Variants in ITSN1 observed in about 807,000 individuals in gnomAD.
ITSN1 encodes the protein intersectin-1.
ITSN1 carries 58 observed loss-of-function variants against 239.8 expected under a neutral mutation model. That is an observed-to-expected ratio of 0.24 (90% CI 0.20 to 0.30). The LOEUF is 0.30. Ranked by LOEUF, ITSN1 falls within the 10% of genes least tolerant of loss-of-function variation. ITSN1 has a pLI of 1.00. For synonymous variants in ITSN1, 780 were observed against 770.8 expected (o/e 1.01, Z -0.20); for missense variants, 1,558 against 2,103.3 (o/e 0.74, Z 5.07).
intron 32 of ITSN1, among the ~76,000 whole-genome samples, chr21:33,866,739 G>C (rs1981661444): frequency 6.6e-6 from 1 of 152,174 alleles, no homozygotes; most frequent in South Asian, 2.1e-4. Context: ...CGTTGTCTGA[G>C]CTCCTCTTTC....
intron 30 of ITSN1, among the ~76,000 whole-genome samples, chr21:33,857,715 AG>A (rs1453384371): frequency 6.6e-6 from 1 of 152,228 alleles, no homozygotes; most frequent in Non-Finnish European, 1.5e-5. Flanking sequence ...AAACTCAAAA[AG>A]GTGCCCCTTT....
At chr21:33,887,728 C>T (rs1986012969) in intron 39 of ITSN1, among the ~76,000 whole-genome samples, 1 of 152,146 alleles carries the variant, frequency 6.6e-6, no homozygotes, top group Non-Finnish European at 1.5e-5. Flanking sequence ...GCCTCAGCCT[C>T]CTAAGTAGCA....
chr21:33,850,372 G>A (rs898319126), intron 29 of ITSN1, among the ~76,000 whole-genome samples: 2 of 152,226 alleles, frequency 1.3e-5, no homozygotes, highest in Non-Finnish European at 2.9e-5. Flanking sequence ...GGTCTCTGGT[G>A]CCTTTGGGGG....
chr21:33,847,666 C>T (rs1237448821), intron 29 of ITSN1, among the ~76,000 whole-genome samples: 1 of 152,152 alleles, frequency 6.6e-6, no homozygotes, highest in Non-Finnish European at 1.5e-5. Context: ...CAGATGGTCT[C>T]TGGGCTCAGA....
At chr21:33,878,340 TCTC>T (rs1484924013) in intron 34 of ITSN1, among the ~76,000 whole-genome samples, 4 of 152,020 alleles carry the variant, frequency 2.6e-5, no homozygotes, top group African/African-American at 9.7e-5. Flanking sequence ...GCCAGAAGCC[TCTC>T]ATTTGGTTTC....
At chr21:33,841,972 G>C (rs968076460) in intron 29 of ITSN1, among the ~76,000 whole-genome samples, 1 of 148,930 alleles carries the variant, frequency 6.7e-6, no homozygotes, top group African/African-American at 2.5e-5. Flanking sequence ...GTTCACCCAG[G>C]TTGGAGTACA....
chr21:33,829,718 A>G lies in ITSN1; in HGVS notation c.3324A>G (p.Pro1108=), dbSNP rs746823500. The G allele has an allele frequency of 4.3e-6, 7 of 1,613,570 alleles. No homozygotes were observed. In the South Asian group the frequency reaches 7.7e-5, roughly 18 times the overall value. The change falls in exon 27 of 40, where the codon CCA becomes CCG. Residue 1108 remains proline (P), a synonymous_variant. Transcript: ENST00000381318. ...GQLILIRKKN[P]GGWWEGELQA... Reference sequence around the variant, plus strand: ...TGATTTTGATCCGAAAAAAGAACCCAGGTGGATGGTGGGAAGGAGAGCTGC... The same window carrying G: ...TGATTTTGATCCGAAAAAAGAACCCGGGTGGATGGTGGGAAGGAGAGCTGC...
chr21:33,876,347 CCTTCT>C (rs1329560478), intron 34 of ITSN1, among the ~76,000 whole-genome samples: 1 of 150,116 alleles, frequency 6.7e-6, no homozygotes, highest in African/African-American at 2.5e-5. Context: ...CTTCCTTTCT[CCTTCT>C]CTTCTCTTCT....
At chr21:33,850,378 G>C (rs1345751760) in intron 29 of ITSN1, among the ~76,000 whole-genome samples, 3 of 152,196 alleles carry the variant, frequency 2.0e-5, no homozygotes, top group Non-Finnish European at 2.9e-5. Flanking sequence ...TGGTGCCTTT[G>C]GGGGCATTCC....
chr21:33,770,783 T>TG (rs1333725560), intron 11 of ITSN1, among the ~76,000 whole-genome samples: 1 of 150,930 alleles, frequency 6.6e-6, no homozygotes, highest in African/African-American at 2.4e-5. Flanking sequence ...TTTTTTTTTT[T>TG]GAGACAGAGT....
At chr21:33,676,664 G>A (rs1370227125) in intron 1 of ITSN1, among the ~76,000 whole-genome samples, 1 of 152,202 alleles carries the variant, frequency 6.6e-6, no homozygotes, top group Non-Finnish European at 1.5e-5. Flanking sequence ...TATTTTGGTT[G>A]CACTGTGCAA....
intron 1 of ITSN1, among the ~76,000 whole-genome samples, chr21:33,657,351 A>C (rs1001064035): frequency 1.3e-5 from 2 of 152,036 alleles, no homozygotes; most frequent in African/African-American, 4.8e-5. Context: ...TTCTTTCCAT[A>C]AGCAGCTGTG....
intron 1 of ITSN1, among the ~76,000 whole-genome samples, chr21:33,706,215 C>T (rs543947109): frequency 2.0e-5 from 3 of 152,098 alleles, no homozygotes; most frequent in East Asian, 3.9e-4. Flanking sequence ...GATGGGGTTT[C>T]GCCATGTTGG....
chr21:33,839,487 A>G (rs1249813884), intron 29 of ITSN1, among the ~76,000 whole-genome samples: 1 of 152,140 alleles, frequency 6.6e-6, no homozygotes, highest in Admixed American at 6.5e-5. Flanking sequence ...CAGGACAAGC[A>G]AAGGCCCAGG....
chr21:33,891,488 C>T lies in ITSN1; in HGVS notation c.*3188C>T, dbSNP rs1377797629. 6.6e-6 allele frequency: 1 copy of T among 152,028 alleles called. No individual in the cohort carries two copies. The highest frequency in any genetic ancestry group is 1.9e-4 in the East Asian group (1 of 5,190). 9.4% of individuals were successfully genotyped at this position (152,028 alleles called of 1,614,324 possible). On this transcript the variant is annotated 3_prime_UTR_variant, in exon 40 of 40. Coordinates refer to ENST00000381318, the MANE Select transcript of ITSN1 (RefSeq NM_003024.3). The stretch of plus-strand genomic sequence containing the variant: ...TCCCATCAGACTATGAGTAAATTGA[C>T]CACCCACATTAAGTCTTATCTCGGT...
intron 25 of ITSN1, among the ~76,000 whole-genome samples, chr21:33,824,118 A>C (rs1358941863): frequency 2.0e-5 from 3 of 152,222 alleles, no homozygotes; most frequent in South Asian, 2.1e-4. Flanking sequence ...TTGCCCACAC[A>C]GTAGAAAGAC....
At chr21:33,734,143 G>A (rs2147247825) in intron 4 of ITSN1, among the ~76,000 whole-genome samples, 1 of 152,026 alleles carries the variant, frequency 6.6e-6, no homozygotes. Context: ...TTAATATCTG[G>A]ATTAAAAGAA....
chr21:33,809,843 G>T (rs1321993198), intron 20 of ITSN1, among the ~76,000 whole-genome samples: 1 of 152,198 alleles, frequency 6.6e-6, no homozygotes, highest in South Asian at 2.1e-4. Flanking sequence ...GCCCAGGCTG[G>T]AGTGCAATGG....
At chr21:33,793,542 T>G (rs1258167502) in intron 16 of ITSN1, among the ~76,000 whole-genome samples, 2 of 152,238 alleles carry the variant, frequency 1.3e-5, no homozygotes, top group Non-Finnish European at 2.9e-5. Flanking sequence ...TCCTTATTCT[T>G]CCTATTTTCA....
Sources: allele counts gnomAD v4.1 joint callset (sites outside exome capture counted in the v4.1 genomes callset), GRCh38; gene constraint gnomAD v4.1.1; transcripts MANE v1.5; gene names NCBI Gene and HGNC (gene_info 2026-07-23, HGNC 2026-07-21).